Variants in TENM3 observed in about 807,000 individuals in gnomAD.
TENM3 encodes teneurin transmembrane protein 3.
In TENM3, 63 loss-of-function variants were observed where a neutral mutation model predicts 255.1. The observed-to-expected ratio is 0.25, with a 90% CI of 0.20 to 0.30. The LOEUF (loss-of-function observed/expected upper bound fraction) is 0.30, where lower values mean the gene tolerates loss of function less well. TENM3 is among the 10% of genes least tolerant of loss of function. The pLI, the probability that TENM3 is intolerant of heterozygous loss-of-function variation, is 1.00. For missense variants in TENM3, 2,929 were observed against 3,461.1 expected (o/e 0.85, Z 3.86); for synonymous variants, 1,306 against 1,322.3 (o/e 0.99, Z 0.27).
the TENM3 span, among the ~76,000 whole-genome samples, chr4:182,101,120 A>G: frequency 1.4e-4 from 10 of 69,020 alleles, no homozygotes; most frequent in South Asian, 4.9e-4. Context: ...GGAAAGAAGG[A>G]AGGAAAGAAG....
the TENM3 span, among the ~76,000 whole-genome samples, chr4:181,627,676 TA>T: frequency 6.6e-6 from 1 of 152,224 alleles, no homozygotes; most frequent in African/African-American, 2.4e-5. Flanking sequence ...TATCCTTTTT[TA>T]TGGCTGCATA....
intron 3 of TENM3, among the ~76,000 whole-genome samples, chr4:182,586,849 A>G (rs1358671791): frequency 6.6e-6 from 1 of 152,176 alleles, no homozygotes; most frequent in Non-Finnish European, 1.5e-5. Flanking sequence ...TAACATATCA[A>G]ATAATATGCT....
the TENM3 span, among the ~76,000 whole-genome samples, chr4:181,837,650 T>G: frequency 6.6e-6 from 1 of 152,170 alleles, no homozygotes; most frequent in Non-Finnish European, 1.5e-5. Flanking sequence ...ACAAACCACC[T>G]TGATACACAT....
At chr4:181,712,024 C>A in the TENM3 span, among the ~76,000 whole-genome samples, 1 of 152,122 alleles carries the variant, frequency 6.6e-6, no homozygotes, top group Non-Finnish European at 1.5e-5. Flanking sequence ...ATACAATTAT[C>A]GGTCAAATTC....
At chr4:182,220,862 G>A (rs1226176014) in intron 1 of TENM3, among the ~76,000 whole-genome samples, 1 of 152,080 alleles carries the variant, frequency 6.6e-6, no homozygotes, top group African/African-American at 2.4e-5. Context: ...CTCTGTGAAG[G>A]CCATCATAGA....
At chr4:182,396,406 GTTTC>G (rs1259519502) in intron 3 of TENM3, among the ~76,000 whole-genome samples, 1 of 152,122 alleles carries the variant, frequency 6.6e-6, no homozygotes, top group East Asian at 1.9e-4. Flanking sequence ...CTGCTCCTTG[GTTTC>G]TTTCTTTATA....
the TENM3 span, among the ~76,000 whole-genome samples, chr4:181,779,524 A>C: frequency 6.6e-6 from 1 of 151,894 alleles, no homozygotes; most frequent in South Asian, 2.1e-4. Flanking sequence ...CTTAGCATAT[A>C]TTTTCAATTT....
At chr4:182,402,081 C>T (rs1177911177) in intron 3 of TENM3, among the ~76,000 whole-genome samples, 3 of 152,292 alleles carry the variant, frequency 2.0e-5, no homozygotes, top group Admixed American at 6.5e-5. Context: ...CAGCGTGAAA[C>T]GGTTCTTACT....
the TENM3 span, among the ~76,000 whole-genome samples, chr4:181,669,753 G>A: frequency 1.3e-5 from 2 of 152,070 alleles, no homozygotes; most frequent in African/African-American, 4.8e-5. Context: ...CCTGTTCAGT[G>A]GATTCATCTG....
the TENM3 span, among the ~76,000 whole-genome samples, chr4:182,088,986 G>A: frequency 2.0e-5 from 3 of 152,156 alleles, no homozygotes; most frequent in African/African-American, 4.8e-5. Flanking sequence ...AAGTCATGAG[G>A]GCGGAGCTCT....
At chr4:182,518,304 C>CT (rs35853923) in intron 3 of TENM3, among the ~76,000 whole-genome samples, 47,097 of 151,754 alleles carry the variant, frequency 0.31, 7,592 homozygotes, top group South Asian at 0.38. Context: ...CTGTATGAAT[C>CT]GTGACTGTGA....
chr4:181,689,524 G>C, the TENM3 span, among the ~76,000 whole-genome samples: 156 of 152,234 alleles, frequency 1.0e-3, no homozygotes, highest in African/African-American at 3.7e-3. Flanking sequence ...CCTATGTCCG[G>C]GGTACAATTC....
At chr4:181,977,981 T>C in the TENM3 span, among the ~76,000 whole-genome samples, 5 of 152,212 alleles carry the variant, frequency 3.3e-5, no homozygotes, top group Non-Finnish European at 5.9e-5. Context: ...GCCTTTCATG[T>C]TGATTATGAA....
the TENM3 span, among the ~76,000 whole-genome samples, chr4:181,965,071 A>G: frequency 6.6e-6 from 1 of 152,182 alleles, no homozygotes; most frequent in Non-Finnish European, 1.5e-5. Flanking sequence ...TTTCTGTTAG[A>G]TGTGTAAAAT....
the TENM3 span, among the ~76,000 whole-genome samples, chr4:181,870,880 C>A: frequency 6.6e-6 from 1 of 151,736 alleles, no homozygotes; most frequent in Non-Finnish European, 1.5e-5. Flanking sequence ...TTTGCCAATA[C>A]CAGGTTTGAA....
chr4:181,903,409 C>T, the TENM3 span, among the ~76,000 whole-genome samples: 1 of 152,118 alleles, frequency 6.6e-6, no homozygotes, highest in Non-Finnish European at 1.5e-5. Flanking sequence ...TTCTAAGAAA[C>T]CAGTTCAACA....
the TENM3 span, among the ~76,000 whole-genome samples, chr4:181,618,223 T>G: frequency 6.6e-6 from 1 of 152,094 alleles, no homozygotes; most frequent in Admixed American, 6.5e-5. Flanking sequence ...GGGAGCCAAT[T>G]TATCAACATC....
At chr4:182,447,706 T>C (rs1249332120) in intron 3 of TENM3, among the ~76,000 whole-genome samples, 1 of 152,214 alleles carries the variant, frequency 6.6e-6, no homozygotes, top group Non-Finnish European at 1.5e-5. Context: ...AGATATGTTG[T>C]TGATACTGGT....
intron 1 of TENM3, among the ~76,000 whole-genome samples, chr4:182,285,093 C>G (rs1285770786): frequency 6.6e-6 from 1 of 152,054 alleles, no homozygotes; most frequent in African/African-American, 2.4e-5. Context: ...CGGTTATCTT[C>G]CATATCAGTA....
Sources: allele counts gnomAD v4.1 joint callset (sites outside exome capture counted in the v4.1 genomes callset), GRCh38; gene constraint gnomAD v4.1.1; transcripts MANE v1.5; gene names NCBI Gene and HGNC (gene_info 2026-07-23, HGNC 2026-07-21).